Variants in DNAH11 observed in about 807,000 individuals in gnomAD.
The protein encoded by DNAH11 is axonemal beta dynein heavy chain 11.
Under a neutral mutation model 526.0 loss-of-function variants are expected in DNAH11, and 442 were observed. The observed-to-expected ratio is 0.84, with a 90% CI of 0.78 to 0.91. The LOEUF (loss-of-function observed/expected upper bound fraction) is 0.91. Among genes scored for constraint, DNAH11 ranks in the 40% least tolerant of loss-of-function variants. The probability of loss-of-function intolerance (pLI) is 0.00; values close to 1 mark genes in which losing one functional copy is unlikely to be tolerated. For synonymous variants in DNAH11, 2,461 were observed against 1,935.9 expected, an observed-to-expected ratio of 1.27 and a Z score of -7.12; for missense variants, 6,989 against 5,448.7, an observed-to-expected ratio of 1.28 and a Z score of -8.90.
chr7:21,626,035 C>T (rs924301242), intron 25 of DNAH11, among the ~76,000 whole-genome samples: 5 of 151,934 alleles, frequency 3.3e-5, no homozygotes, highest in African/African-American at 7.3e-5. Context: ...ATTGGGATGG[C>T]CATCATCTTA....
intron 30 of DNAH11, among the ~76,000 whole-genome samples, chr7:21,659,297 T>A (rs559166256): frequency 5.3e-5 from 8 of 149,748 alleles, no homozygotes; most frequent in Non-Finnish European, 1.0e-4. Context: ...CATGCTTATT[T>A]TCTTCTGTGT....
At position 21,710,377 on chromosome 7, in the gene DNAH11, C is replaced by T. The variant is rs534736630; in HGVS notation, c.6684-176C>T. Among the ~76,000 whole-genome samples, 4 of 152,184 alleles carry T rather than the reference C, an allele frequency of 2.6e-5. No homozygotes were observed. The South Asian group carries it at 6.2e-4, about 24-fold the overall frequency. On this transcript the variant is annotated intron_variant, in intron 40 of 81. Transcript: ENST00000409508. ...CCTTCTCAGTGAGGTGAAACTTACA[C>T]GTTGGTAAATAATAGAGGTGAATCT...
intron 54 of DNAH11, among the ~76,000 whole-genome samples, chr7:21,758,665 G>T (rs1250859773): frequency 6.6e-6 from 1 of 152,238 alleles, no homozygotes; most frequent in Non-Finnish European, 1.5e-5. Flanking sequence ...ATCAAGAAGA[G>T]AATTCCAAAG....
At chr7:21,651,704 A>T (rs1781779247) in intron 28 of DNAH11, among the ~76,000 whole-genome samples, 1 of 152,244 alleles carries the variant, frequency 6.6e-6, no homozygotes, top group Non-Finnish European at 1.5e-5. Flanking sequence ...ATATTTATGA[A>T]TTTCAGTCAC....
At chr7:21,781,593 A>G (rs1397279963) in intron 57 of DNAH11, among the ~76,000 whole-genome samples, 1 of 152,194 alleles carries the variant, frequency 6.6e-6, no homozygotes, top group Non-Finnish European at 1.5e-5. Context: ...CATCTCTTCA[A>G]AAGTTGAGCA....
Position 21,842,555 on chromosome 7 carries a change from T to C in DNAH11, c.10703T>C (p.Ile3568Thr). Residue 3568 changes from isoleucine (I) to threonine (T), a missense_variant, in exon 66 of 82, where the codon ATT (isoleucine) becomes ACT (threonine). Physicochemically the swap from Ile to Thr is moderately conservative, Grantham distance 89 (BLOSUM62 -1). Transcript: ENST00000409508. Reference sequence around the variant, plus strand: ...TTTGCTCCGTTTAGGTATATCAGGATTGGAGATAAAGAATGTGAATTTAAC... The same window carrying C: ...TTTGCTCCGTTTAGGTATATCAGGACTGGAGATAAAGAATGTGAATTTAAC... Reference protein sequence around the residue: ...NTIKKGKYIRIGDKECEFNKN... With the variant: ...NTIKKGKYIRTGDKECEFNKN... The C allele has an allele frequency of 1.9e-6, 3 of 1,613,780 alleles. No homozygotes were observed. The highest frequency in any genetic ancestry group is 2.5e-6 in the Non-Finnish European group (3 of 1,179,784).
chr7:21,874,402 C>T (rs1265430278), intron 74 of DNAH11, among the ~76,000 whole-genome samples: 1 of 151,824 alleles, frequency 6.6e-6, no homozygotes. Context: ...ATGACATGAT[C>T]TTGGCTCACT....
intron 29 of DNAH11, among the ~76,000 whole-genome samples, 180 bp downstream of exon 29, chr7:21,656,161 C>A (rs1486370193): frequency 6.6e-6 from 1 of 152,088 alleles, no homozygotes; most frequent in Non-Finnish European, 1.5e-5. Flanking sequence ...CCATGCGTCC[C>A]AGTTTCTACT....
chr7:21,611,397 A>G (rs1409725709), intron 20 of DNAH11, among the ~76,000 whole-genome samples: 1 of 152,190 alleles, frequency 6.6e-6, no homozygotes, highest in Non-Finnish European at 1.5e-5. Flanking sequence ...CCGGGTTTCC[A>G]GCTTGCAAAT....
intron 28 of DNAH11, among the ~76,000 whole-genome samples, chr7:21,642,773 G>T (rs561635726): frequency 6.6e-6 from 1 of 152,110 alleles, no homozygotes; most frequent in South Asian, 2.1e-4. Flanking sequence ...GTTAATTGTG[G>T]AATGTGATCA....
intron 30 of DNAH11, among the ~76,000 whole-genome samples, chr7:21,678,365 GT>G (rs1264880176): frequency 6.6e-6 from 1 of 151,918 alleles, no homozygotes; most frequent in Non-Finnish European, 1.5e-5. Flanking sequence ...CTGAAAATCA[GT>G]TGAAAAATTT....
chr7:21,728,237 CTTTTTTTTTTTTTTTTTTTT>C (rs71026816), intron 45 of DNAH11, among the ~76,000 whole-genome samples: 1 of 58,868 alleles, frequency 1.7e-5, no homozygotes, highest in East Asian at 7.3e-4. Flanking sequence ...GCCCACAATT[CTTTTTTTTTTTTTTTTTTTT>C]TTTTTTTTTT....
intron 66 of DNAH11, chr7:21,851,148 A>C (rs1583771975): frequency 6.2e-6 from 1 of 161,258 alleles, no homozygotes; most frequent in African/African-American, 2.4e-5. Context: ...GCAGGGACCC[A>C]GTGGGAGGTA....
intron 54 of DNAH11, among the ~76,000 whole-genome samples, chr7:21,759,351 T>C (rs903757265): frequency 6.6e-6 from 1 of 152,218 alleles, no homozygotes; most frequent in African/African-American, 2.4e-5. Flanking sequence ...GTGTGCTATC[T>C]AAAAGGGAAA....
chr7:21,756,814 T>A (rs1381060709), intron 54 of DNAH11, among the ~76,000 whole-genome samples: 6 of 152,200 alleles, frequency 3.9e-5, no homozygotes, highest in Non-Finnish European at 2.9e-5. Context: ...CTAAAATTTG[T>A]TAATGAATGT....
intron 23 of DNAH11, among the ~76,000 whole-genome samples, chr7:21,618,725 AAAAGAC>A (rs1188985942): frequency 2.6e-5 from 4 of 152,198 alleles, no homozygotes; most frequent in African/African-American, 9.6e-5. Context: ...CTTTAGGAAG[AAAAGAC>A]AAATGAGCCA....
At chr7:21,790,306 C>T (rs142734160) in intron 61 of DNAH11, among the ~76,000 whole-genome samples, 3 of 152,054 alleles carry the variant, frequency 2.0e-5, no homozygotes, top group Admixed American at 1.3e-4. Flanking sequence ...GAAATTTAGC[C>T]GGGCGTCATG....
intron 65 of DNAH11, among the ~76,000 whole-genome samples, chr7:21,821,299 C>G (rs1324564682): frequency 2.0e-5 from 3 of 152,094 alleles, no homozygotes; most frequent in Non-Finnish European, 4.4e-5. Context: ...AGTTGGATAT[C>G]TGAGTATGGA....
At chr7:21,708,656 C>T (rs930890621) in intron 40 of DNAH11, among the ~76,000 whole-genome samples, 1 of 152,176 alleles carries the variant, frequency 6.6e-6, no homozygotes, top group Non-Finnish European at 1.5e-5. Flanking sequence ...CCATCCCTGA[C>T]TTCATTTCCC....
Sources: allele counts gnomAD v4.1 joint callset (sites outside exome capture counted in the v4.1 genomes callset), GRCh38; gene constraint gnomAD v4.1.1; transcripts MANE v1.5; gene names NCBI Gene and HGNC (gene_info 2026-07-23, HGNC 2026-07-21).